Variants in AFF1 observed in about 807,000 individuals in gnomAD.
The protein encoded by AFF1 is AF4/FMR2 family member 1.
AFF1 carries 48 observed loss-of-function variants against 121.7 expected under a neutral mutation model. The observed-to-expected ratio is 0.39, with a 90% CI of 0.31 to 0.50. The LOEUF is 0.50. Among genes scored for constraint, AFF1 ranks in the 20% least tolerant of loss-of-function variants. The pLI is 0.76. For missense variants in AFF1, 1,523 were observed against 1,511.7 expected (o/e 1.01, Z -0.12); for synonymous variants, 613 against 563.0 (o/e 1.09, Z -1.26).
chr4:87,022,583 T>TATA lies in AFF1; in HGVS notation c.39-23583_39-23582insATA, dbSNP rs1560547363. 2.0e-3 allele frequency among the ~76,000 whole-genome samples: 178 copies of TATA among 87,846 alleles called. 3 individuals are homozygous for TATA. Among genetic ancestry groups the TATA allele is most frequent in the African/African-American group, 9.1e-3 (169 of 18,496 alleles). The allele number at this position is 87,846 out of a possible 152,430, so 57.6% of individuals were successfully genotyped here. On this transcript the variant is annotated intron_variant, in intron 2 of 20. Coordinates refer to ENST00000395146, the MANE Select transcript of AFF1 (RefSeq NM_001166693.3). The stretch of plus-strand genomic sequence containing the variant: ...ATATATATATATATATATATATATA[T>TATA]CTATCTATATCTATCTGTGTGTATA...
intron 11 of AFF1, among the ~76,000 whole-genome samples, chr4:87,110,050 G>T (rs1343024959): frequency 6.6e-6 from 1 of 152,110 alleles, no homozygotes; most frequent in Non-Finnish European, 1.5e-5. Flanking sequence ...TTGTTTCAGA[G>T]TAACAGAAAT....
At chr4:86,940,608 C>T (rs1578810442) in intron 1 of AFF1, among the ~76,000 whole-genome samples, 1 of 151,954 alleles carries the variant, frequency 6.6e-6, no homozygotes, top group Admixed American at 6.6e-5. Context: ...CCATGTTGGC[C>T]AGGGTAGTCT....
chr4:87,040,694 G>A (rs1005256362), intron 2 of AFF1, among the ~76,000 whole-genome samples: 5 of 148,576 alleles, frequency 3.4e-5, no homozygotes, highest in African/African-American at 5.0e-5. Context: ...CTCAGCCTCC[G>A]TAGTAGCTGG....
At chr4:87,002,345 C>T (rs1259758783) in intron 2 of AFF1, among the ~76,000 whole-genome samples, 1 of 151,448 alleles carries the variant, frequency 6.6e-6, no homozygotes, top group Non-Finnish European at 1.5e-5. Flanking sequence ...ATCCTCCCAC[C>T]TCAGTCTCTC....
At chr4:86,949,592 G>C (rs1333552194) in intron 2 of AFF1, 1 of 1,149,040 alleles carries the variant, frequency 8.7e-7, no homozygotes, top group Non-Finnish European at 1.3e-6. Context: ...TCCGGGTGCT[G>C]GAGAGCTGTG....
In AFF1 at chr4:87,127,064, T is replaced by G. The variant is rs761360503; in HGVS notation, c.2850T>G (p.Pro950=). 18 of 1,614,046 alleles carry G rather than the reference T, an allele frequency of 1.1e-5. No homozygotes were observed. The highest frequency in any genetic ancestry group is 4.4e-5 in the South Asian group (4 of 91,072). ...SGDTANPFPV[P]SLPNGNSKPG... is the part of the protein sequence containing the mutation. ...ATACTGCAAATCCTTTTCCAGTGCC[T>G]TCTTTGCCAAATGGTAACTCTAAAC... Residue 950 remains proline, a synonymous_variant, in exon 15 of 21, where the codon CCT becomes CCG. Coordinates refer to ENST00000395146, the MANE Select transcript of AFF1 (RefSeq NM_001166693.3).
chr4:86,943,541 G>C (rs1204459973), intron 1 of AFF1, among the ~76,000 whole-genome samples: 1 of 152,182 alleles, frequency 6.6e-6, no homozygotes, highest in Non-Finnish European at 1.5e-5. Context: ...TCCGGGGACT[G>C]GGGAGCTGCT....
intron 2 of AFF1, among the ~76,000 whole-genome samples, chr4:86,951,602 C>CTTTTTT (rs1170666576): frequency 1.7e-5 from 2 of 115,490 alleles, no homozygotes; most frequent in African/African-American, 7.4e-5. Flanking sequence ...ACTTTTTTTT[C>CTTTTTT]TTTTTCTTTT....
chr4:87,127,579 A>G lies in AFF1; in HGVS notation c.2904-64A>G, dbSNP rs369453062. ...CCCATCCTTTTTCACTCTTGGTCTT[A>G]TCTTGCCCTAGTCTAGTAATTTTTG... On this transcript the variant is annotated intron_variant, in intron 15 of 20. Coordinates refer to ENST00000395146, the MANE Select transcript of AFF1 (RefSeq NM_001166693.3). The G allele has an allele frequency of 1.6e-4, 237 of 1,505,392 alleles. 1 individual carries two copies. Among genetic ancestry groups the G allele is most frequent in the Admixed American group, 3.5e-4 (21 of 59,436 alleles). 93.3% of individuals were successfully genotyped at this position (1,505,392 alleles called of 1,614,324 possible). A position where few individuals can be genotyped will look rare whatever the true frequency, so the allele number is the denominator to read the frequency against.
Position 87,133,229 on chromosome 4 carries a change from T to C in AFF1, c.3311+821T>C, listed in dbSNP as rs535239712. Among the ~76,000 whole-genome samples, 3 of 152,336 alleles carry C rather than the reference T, an allele frequency of 2.0e-5. No homozygotes were observed. In the South Asian group the frequency reaches 6.2e-4, roughly 32 times the overall value. On this transcript the variant is annotated intron_variant, in intron 19 of 20. Transcript: ENST00000395146. Reference sequence around the variant, plus strand: ...GAACTAAAATTGTTCATGTATGCTGTAAGTTATTAGAAAAAAAGAATCCTT... The same window carrying C: ...GAACTAAAATTGTTCATGTATGCTGCAAGTTATTAGAAAAAAAGAATCCTT...
intron 15 of AFF1, 29 bp from the exon 16 acceptor site, chr4:87,127,614 A>T (rs1297374884): frequency 6.2e-7 from 1 of 1,613,408 alleles, no homozygotes. Context: ...GGCTCATATG[A>T]CCTGTCCCTG....
At chr4:86,986,394 G>A (rs1323910330) in intron 2 of AFF1, among the ~76,000 whole-genome samples, 1 of 151,970 alleles carries the variant, frequency 6.6e-6, no homozygotes, top group Non-Finnish European at 1.5e-5. Context: ...TTAAAGTTAA[G>A]ATATTTTTAA....
At chr4:87,056,083 C>G (rs1321405573) in intron 4 of AFF1, among the ~76,000 whole-genome samples, 3 of 151,978 alleles carry the variant, frequency 2.0e-5, no homozygotes, top group Non-Finnish European at 4.4e-5. Context: ...TACTTTCTCT[C>G]TGCATTTTTT....
chr4:87,052,224 GC>G (rs1731342169), intron 4 of AFF1, among the ~76,000 whole-genome samples: 2 of 152,116 alleles, frequency 1.3e-5, no homozygotes, highest in African/African-American at 4.8e-5. Context: ...ACCAGCCTGG[GC>G]AACATAGTGA....
Position 87,090,984 on chromosome 4 carries a change from C to T in AFF1, c.1192-809C>T, listed in dbSNP as rs1724237594. Among the ~76,000 whole-genome samples the T allele has an allele frequency of 2.2e-5, 3 of 138,688 alleles. No individual in the cohort carries two copies. In the South Asian group the frequency reaches 6.8e-4, roughly 31 times the overall value. 91.0% of individuals were successfully genotyped at this position (138,688 alleles called of 152,430 possible). On this transcript the variant is annotated intron_variant, in intron 6 of 20. Coordinates refer to ENST00000395146, the MANE Select transcript of AFF1 (RefSeq NM_001166693.3). ...GAGCTGTAATTAAGCCACTACACTC[C>T]AGCCTAGACAACGGTGAGACCCCGT... is the stretch of plus-strand genomic sequence containing the variant.
intron 2 of AFF1, among the ~76,000 whole-genome samples, chr4:86,995,447 G>T (rs1005460341): frequency 3.3e-3 from 495 of 150,490 alleles, no homozygotes; most frequent in African/African-American, 0.011. Flanking sequence ...GAGTGCCTGC[G>T]ATTGCAGGCG....
At chr4:87,083,781 A>G (rs1723401891) in intron 4 of AFF1, among the ~76,000 whole-genome samples, 1 of 152,002 alleles carries the variant, frequency 6.6e-6, no homozygotes, top group South Asian at 2.1e-4. Flanking sequence ...TCCAAATGTA[A>G]AGTTGTTGTT....
intron 2 of AFF1, among the ~76,000 whole-genome samples, chr4:87,024,572 T>C (rs1337933265): frequency 6.6e-6 from 1 of 151,718 alleles, no homozygotes; most frequent in Non-Finnish European, 1.5e-5. Context: ...TGAAATCCCT[T>C]TTACCCTTCA....
intron 2 of AFF1, among the ~76,000 whole-genome samples, chr4:87,021,912 G>A (rs1214585319): frequency 2.0e-5 from 3 of 152,214 alleles, no homozygotes; most frequent in Admixed American, 6.5e-5. Context: ...GCTTAGAAAT[G>A]CCATGCTAGG....
Sources: gnomAD v4.1 joint callset for allele counts (sites outside exome capture counted in the v4.1 genomes callset) on GRCh38, gnomAD v4.1.1 for gene constraint, MANE v1.5 for transcripts, NCBI Gene and HGNC (gene_info 2026-07-23, HGNC 2026-07-21) for gene names.